The following SPAG9 variants were observed in gnomAD, a reference collection of about 807,000 sequenced individuals.
SPAG9 encodes sperm associated antigen 9.
In SPAG9, 35 loss-of-function variants were observed where a neutral mutation model predicts 166.5. That is an observed-to-expected ratio of 0.21 (90% CI 0.16 to 0.28). SPAG9 has a LOEUF of 0.28. Among genes scored for constraint, SPAG9 ranks in the 10% least tolerant of loss-of-function variants. The probability of loss-of-function intolerance (pLI) is 1.00; values close to 1 mark genes in which losing one functional copy is unlikely to be tolerated. For synonymous variants in SPAG9, 534 were observed against 565.5 expected, an observed-to-expected ratio of 0.94 and a Z score of 0.79; for missense variants, 1,235 against 1,603.3, an observed-to-expected ratio of 0.77 and a Z score of 3.92.
intron 3 of SPAG9, among the ~76,000 whole-genome samples, chr17:51,048,344 A>C (rs950842752): frequency 2.6e-5 from 4 of 152,116 alleles, no homozygotes. Context: ...TAAGAAAAAA[A>C]TGAATTTTAA....
At chr17:50,973,212 A>G (rs543401381) in intron 28 of SPAG9, among the ~76,000 whole-genome samples, 5 of 152,358 alleles carry the variant, frequency 3.3e-5, no homozygotes, top group Non-Finnish European at 7.3e-5. Context: ...ACAATCATAC[A>G]TTGTTTATAA....
intron 25 of SPAG9, among the ~76,000 whole-genome samples, chr17:50,981,390 GTGGATGGATGGATGGATGGATGGA>G (rs529102170): frequency 6.7e-6 from 1 of 150,034 alleles, no homozygotes; most frequent in Non-Finnish European, 1.5e-5. Context: ...CAACCTGTGT[GTGGATGGATGGATGGATGGATGGA>G]TGGATGGATG....
intron 20 of SPAG9, 155 bp from the exon 21 acceptor site, chr17:50,990,027 C>G: frequency 2.8e-6 from 2 of 703,690 alleles, no homozygotes; most frequent in South Asian, 3.7e-5. Flanking sequence ...ACAGTCATTA[C>G]AGCATTTTTT....
At position 50,964,957 on chromosome 17, in the gene SPAG9, C is replaced by T. The variant is rs182492711; in HGVS notation, c.*1315G>A. ...TTTTTTTTTGGTAGAGACAGGGTTT[C>T]GCCATGTTGCCCAGGCTGGTCTTGA... On this transcript the variant is annotated 3_prime_UTR_variant, in exon 30 of 30. Transcript: ENST00000262013. 478 of 182,824 alleles carry T rather than the reference C, an allele frequency of 2.6e-3. 5 individuals carry two copies. In the Admixed American group the frequency reaches 0.027, roughly 10 times the overall value. The allele number at this position is 182,824 out of a possible 1,614,324, so 11.3% of individuals were successfully genotyped here. A position where few individuals can be genotyped will look rare whatever the true frequency, so the allele number is the denominator to read the frequency against.
chr17:51,118,743 G>A (rs1018207742), intron 1 of SPAG9, among the ~76,000 whole-genome samples: 1 of 152,170 alleles, frequency 6.6e-6, no homozygotes, highest in Non-Finnish European at 1.5e-5. Flanking sequence ...AAAAGCTCTT[G>A]AAATAGTCCA....
chr17:51,026,716 C>A (rs1251370997), intron 6 of SPAG9, among the ~76,000 whole-genome samples: 1 of 145,372 alleles, frequency 6.9e-6, no homozygotes, highest in Middle Eastern at 3.9e-3. Context: ...GCTCTTGTTG[C>A]CCCAGGCTGT....
At chr17:50,983,551 G>A (rs1974811976) in intron 24 of SPAG9, among the ~76,000 whole-genome samples, 1 of 151,972 alleles carries the variant, frequency 6.6e-6, no homozygotes, top group Non-Finnish European at 1.5e-5. Context: ...CAACCTTTAG[G>A]TAATTCTCAC....
chr17:51,080,410 G>A (rs1297069508), intron 1 of SPAG9, among the ~76,000 whole-genome samples: 4 of 150,874 alleles, frequency 2.7e-5, no homozygotes, highest in African/African-American at 4.9e-5. Flanking sequence ...GGCATGCTCC[G>A]TCCTTGGACA....
At chr17:51,029,754 G>A (rs1025565679) in intron 6 of SPAG9, among the ~76,000 whole-genome samples, 14 of 152,150 alleles carry the variant, frequency 9.2e-5, no homozygotes, top group South Asian at 2.1e-4. Context: ...GGTAGTTTCC[G>A]GGGCTACAGT....
At chr17:50,990,874 G>T in intron 19 of SPAG9, 2 of 487,564 alleles carry the variant, frequency 4.1e-6, no homozygotes, top group East Asian at 3.7e-5. Context: ...ATTAACACAA[G>T]TGCAAATAAA....
intron 5 of SPAG9, among the ~76,000 whole-genome samples, chr17:51,034,464 A>T (rs1295656007): frequency 2.0e-5 from 3 of 152,206 alleles, no homozygotes; most frequent in Admixed American, 2.0e-4. Context: ...AAAGCATTCA[A>T]AAAAGGATGG....
At position 50,977,115 on chromosome 17, in the gene SPAG9, C is replaced by T; in HGVS notation, c.3516G>A (p.Leu1172=). Residue 1172 remains leucine, a synonymous_variant, in exon 27 of 30, where the codon TTG becomes TTA. Coordinates refer to ENST00000262013, the MANE Select transcript of SPAG9 (RefSeq NM_001130528.3). ...ATCTAAAAATATACTTACTTTCTGT[C>T]AATGGGATGGAGATAATGACACCAT... The part of the protein sequence containing the change: ...TGNGVIISIP[L]TETNKTSGVP... The T allele has an allele frequency of 1.3e-6, 2 of 1,587,730 alleles. No homozygotes were observed. Among genetic ancestry groups the T allele is most frequent in the Non-Finnish European group, 1.7e-6 (2 of 1,156,460 alleles).
At chr17:51,007,872 T>C (rs756462815) in intron 9 of SPAG9, 5 of 446,996 alleles carry the variant, frequency 1.1e-5, no homozygotes, top group South Asian at 3.2e-5. Context: ...ATGCATTCCA[T>C]GTAAAGCAAA....
rs142833323 is a variant in SPAG9 at position 51,080,280 on chromosome 17, C to T, written c.304-576G>A. 1.3e-4 allele frequency among the ~76,000 whole-genome samples: 19 copies of T among 151,852 alleles called. No homozygotes were observed. In the East Asian group the frequency reaches 2.5e-3, roughly 20 times the overall value. Reference sequence around the variant, plus strand: ...TATCAGCAACATCTGACAAGTGATCCGCTCTCCTTAAAACTTTTTTTTTTT... The same window carrying T: ...TATCAGCAACATCTGACAAGTGATCTGCTCTCCTTAAAACTTTTTTTTTTT... On this transcript the variant is annotated intron_variant, in intron 1 of 29. Coordinates refer to ENST00000262013, the MANE Select transcript of SPAG9 (RefSeq NM_001130528.3).
At chr17:51,009,230 TGA>T (rs977546874) in intron 9 of SPAG9, 5 of 419,970 alleles carry the variant, frequency 1.2e-5, no homozygotes, top group Admixed American at 5.6e-5. Context: ...TACTTTAAAA[TGA>T]GAGAGAGGAA....
rs146311266 is a variant in SPAG9, at chr17:51,017,907, C to T, written c.1091+2252G>A. On this transcript the variant is annotated intron_variant, in intron 8 of 29. Coordinates refer to ENST00000262013, the MANE Select transcript of SPAG9 (RefSeq NM_001130528.3). Reference sequence around the variant, plus strand: ...TTACTCTAGGGTCTATGCTTTTAACCGCTACAGAGTACTGACTGCACAATG... The same window carrying T: ...TTACTCTAGGGTCTATGCTTTTAACTGCTACAGAGTACTGACTGCACAATG... 4.1e-3 allele frequency among the ~76,000 whole-genome samples: 628 copies of T among 152,110 alleles called. 8 individuals are homozygous for T. The highest frequency in any genetic ancestry group is 0.027 in the Admixed American group (414 of 15,270).
chr17:51,093,564 G>A (rs1445665124), intron 1 of SPAG9, among the ~76,000 whole-genome samples: 1 of 151,708 alleles, frequency 6.6e-6, no homozygotes, highest in African/African-American at 2.4e-5. Context: ...GCGTGGTGGC[G>A]GGTGCCTCTA....
rs1008431734 is a variant in SPAG9, at chr17:51,049,004, AC to A, written c.496-1536del. On this transcript the variant is annotated intron_variant, in intron 3 of 29. Transcript: ENST00000262013. ...CTTGTGTCAGGAAGAATTTTCAGGA[AC>A]AAAAATCAAACTGAAACTAATATAA... Among the ~76,000 whole-genome samples, 25 of 152,224 alleles carry A rather than the reference AC, an allele frequency of 1.6e-4. 1 individual carries two copies. The highest frequency in any genetic ancestry group is 1.3e-4 in the Admixed American group (2 of 15,290).
intron 1 of SPAG9, among the ~76,000 whole-genome samples, chr17:51,101,811 G>C (rs1484295469): frequency 2.6e-5 from 4 of 151,940 alleles, no homozygotes; most frequent in African/African-American, 9.7e-5. Context: ...TTTTAGTAGA[G>C]ACGGGGTTTC....
Sources: gnomAD v4.1 joint callset for allele counts (sites outside exome capture counted in the v4.1 genomes callset) on GRCh38, gnomAD v4.1.1 for gene constraint, MANE v1.5 for transcripts, NCBI Gene and HGNC (gene_info 2026-07-23, HGNC 2026-07-21) for gene names.